The following LYPD2 variants were observed in gnomAD, a reference collection of about 807,000 sequenced individuals.
LYPD2 encodes ly6/PLAUR domain-containing protein 2.
LYPD2 carries 5 observed loss-of-function variants against 7.1 expected under a neutral mutation model. The observed-to-expected ratio is 0.70, with a 90% CI of 0.37 to 1.48. The LOEUF (loss-of-function observed/expected upper bound fraction) is 1.48. Ranked by LOEUF, LYPD2 falls within the 40% of genes most tolerant of loss-of-function variation. The pLI is 0.03. For missense variants in LYPD2, 177 were observed against 171.0 expected (o/e 1.04, Z -0.20); for synonymous variants, 78 against 82.0 (o/e 0.95, Z 0.26).
rs1488946926 is a variant in LYPD2 at position 142,752,530 on chromosome 8, A to G, written c.-79T>C. 1.9e-6 allele frequency: 3 copies of G among 1,550,534 alleles called. No individual in the cohort carries two copies. The highest frequency in any genetic ancestry group is 1.8e-6 in the Non-Finnish European group (2 of 1,132,616). On this transcript the variant is annotated 5_prime_UTR_variant, in exon 1 of 3. Transcript: ENST00000359228. Reference sequence around the variant, plus strand: ...CAGACACCAAGTGAGGTGGCGACAGACTGGTCTGCTGAGCGGATTAGTGGG... The same window carrying G: ...CAGACACCAAGTGAGGTGGCGACAGGCTGGTCTGCTGAGCGGATTAGTGGG...
At chr8:142,750,619 C>G in intron 2 of LYPD2, 137 bp from the exon 3 acceptor site, 1 of 812,834 alleles carries the variant, frequency 1.2e-6, no homozygotes, top group African/African-American at 1.7e-5. Flanking sequence ...CAGTGCCCTC[C>G]TCTTCCTCTC....
At position 142,752,443 on chromosome 8, in the gene LYPD2, C is replaced by A. The variant is rs1214560061; in HGVS notation, c.9G>T (p.Gly3=). 6.2e-7 allele frequency: 1 copy of A among 1,613,374 alleles called. No individual in the cohort carries two copies. Among genetic ancestry groups the A allele is most frequent in the African/African-American group, 1.3e-5 (1 of 75,050 alleles). ...CCAGCGCCAGGAGCGCCAGCCGCGT[C>A]CCCCGCATGGTCCCGGCCCACTCCT... MR[G]TRLALLALVL... The change falls in exon 1 of 3, where the codon GGG becomes GGT. Residue 3 remains glycine, a synonymous_variant. Transcript: ENST00000359228.
At chr8:142,750,540 C>T in intron 2 of LYPD2, 58 bp from the exon 3 acceptor site, 1 of 1,505,218 alleles carries the variant, frequency 6.6e-7, no homozygotes, top group East Asian at 2.5e-5. Flanking sequence ...AAGCCCTGGT[C>T]CCTGCCAGTA....
Position 142,752,432 on chromosome 8 carries a change from G to T in LYPD2, c.20C>A (p.Ala7Glu), listed in dbSNP as rs11775636. The change falls in exon 1 of 3, where the codon GCG becomes GAG. Residue 7 changes from alanine (A) to glutamate (E), a missense_variant. Transcript: ENST00000359228. ...GGCAGCCAGCACCAGCGCCAGGAGC[G>T]CCAGCCGCGTCCCCCGCATGGTCCC... is the stretch of plus-strand genomic sequence containing the variant. The part of the protein sequence containing the change: MRGTRL[A>E]LLALVLAACG... 2 of 1,613,034 alleles carry T rather than the reference G, an allele frequency of 1.2e-6. No homozygotes were observed. Among genetic ancestry groups the T allele is most frequent in the Non-Finnish European group, 1.7e-6 (2 of 1,179,730 alleles).
intron 1 of LYPD2, 54 bp downstream of exon 1, chr8:142,752,340 T>A: frequency 6.2e-7 from 1 of 1,604,722 alleles, no homozygotes; most frequent in Non-Finnish European, 8.5e-7. Context: ...AGTGTGAATG[T>A]CAGTGGGTGG....
chr8:142,750,843 A>G (rs977033872), intron 2 of LYPD2, among the ~76,000 whole-genome samples: 24 of 152,244 alleles, frequency 1.6e-4, no homozygotes, highest in African/African-American at 5.3e-4. Flanking sequence ...GCTCGGGCAG[A>G]AAGCCATTTC....
rs1785573617 is a variant in LYPD2 at position 142,750,168 on chromosome 8, A to T, written c.*115T>A. The T allele has an allele frequency of 2.4e-6, 2 of 850,380 alleles. No homozygotes were observed. The highest frequency in any genetic ancestry group is 3.7e-6 in the Non-Finnish European group (2 of 540,486). 52.7% of individuals were successfully genotyped at this position (850,380 alleles called of 1,614,324 possible). A position where few individuals can be genotyped will look rare whatever the true frequency, so the allele number is the denominator to read the frequency against. ...AACGGGGACATCGACGAGGTCAGAG[A>T]TGCAGCAGGGCAGGTCTGTGCCCAG... is the stretch of plus-strand genomic sequence containing the variant. On this transcript the variant is annotated 3_prime_UTR_variant, in exon 3 of 3. Transcript: ENST00000359228.
intron 2 of LYPD2, 82 bp downstream of exon 2, chr8:142,750,969 A>G (rs1467855455): frequency 6.3e-6 from 10 of 1,592,436 alleles, no homozygotes; most frequent in East Asian, 4.5e-5. Context: ...TCACTGCCCT[A>G]TCTCCTGGGA....
In LYPD2 at chr8:142,750,252, C is replaced by A; in HGVS notation, c.*31G>T. The stretch of plus-strand genomic sequence containing the variant: ...CTTCTTCAAGGCATTCGGGGCTGGG[C>A]CGCATAGGGCCATGGGGGTGGGCGG... On this transcript the variant is annotated 3_prime_UTR_variant, in exon 3 of 3. Coordinates refer to ENST00000359228, the MANE Select transcript of LYPD2 (RefSeq NM_205545.3). The A allele has an allele frequency of 6.5e-7, 1 of 1,541,714 alleles. No homozygotes were observed. The highest frequency in any genetic ancestry group is 1.4e-5 in the African/African-American group (1 of 73,000).
rs964462832 is a variant in LYPD2, at chr8:142,750,286, C to G, written c.375G>C (p.Leu125=). The G allele has an allele frequency of 2.6e-6, 4 of 1,551,150 alleles. No individual in the cohort carries two copies. The highest frequency in any genetic ancestry group is 2.7e-5 in the African/African-American group (2 of 73,114). ...LTLLPLLSLR[L] ...GCCATGGGGGTGGGCGGGGACTCTA[C>G]AGTCGGAGGCTCAAGAGTGGGAGGA... Residue 125 remains leucine, a synonymous_variant, in exon 3 of 3, where the codon CTG becomes CTC. Transcript: ENST00000359228.
chr8:142,750,624 C>G (rs1790125907), intron 2 of LYPD2, 142 bp from the exon 3 acceptor site: 1 of 798,926 alleles, frequency 1.3e-6, no homozygotes, highest in Non-Finnish European at 2.0e-6. Flanking sequence ...CCCTCCTCTT[C>G]CTCTCTCCTC....
chr8:142,751,684 G>A (rs781727397), intron 1 of LYPD2, among the ~76,000 whole-genome samples: 3 of 152,132 alleles, frequency 2.0e-5, no homozygotes, highest in Non-Finnish European at 4.4e-5. Flanking sequence ...CTTGCAGACC[G>A]GCAGGGACGG....
Position 142,750,405 on chromosome 8 carries a change from C to A in LYPD2, c.256G>T (p.Gly86Cys). ...CAGCAGGACACGGGCAGGGTCTGGC[C>A]GATGCCATCCACATCCGAGGGCTTA... Reference protein sequence around the residue: ...KCKPSDVDGIGQTLPVSCCNT... With the variant: ...KCKPSDVDGICQTLPVSCCNT... The change falls in exon 3 of 3, where the codon GGC (glycine) becomes TGC (cysteine). Residue 86 changes from glycine (G) to cysteine (C), a missense_variant. Transcript: ENST00000359228. 6.3e-7 allele frequency: 1 copy of A among 1,583,146 alleles called. No individual in the cohort carries two copies. Among genetic ancestry groups the A allele is most frequent in the Non-Finnish European group, 8.6e-7 (1 of 1,164,674 alleles).
chr8:142,751,535 G>A (rs1814714914), intron 1 of LYPD2, among the ~76,000 whole-genome samples: 1 of 152,196 alleles, frequency 6.6e-6, no homozygotes, highest in African/African-American at 2.4e-5. Context: ...GTGGCTGGGG[G>A]CAGGTTACCC....
chr8:142,751,683 C>T (rs767630012), intron 1 of LYPD2, among the ~76,000 whole-genome samples: 1 of 151,902 alleles, frequency 6.6e-6, no homozygotes, highest in Admixed American at 6.5e-5. Context: ...ACTTGCAGAC[C>T]GGCAGGGACG....
chr8:142,752,347 G>C, intron 1 of LYPD2, 47 bp downstream of exon 1: 1 of 1,608,450 alleles, frequency 6.2e-7, no homozygotes, highest in South Asian at 1.1e-5. Flanking sequence ...ATGTCAGTGG[G>C]TGGCATCTCC....
In LYPD2 at chr8:142,750,230, C is replaced by A; in HGVS notation, c.*53G>T. On this transcript the variant is annotated 3_prime_UTR_variant, in exon 3 of 3. Coordinates refer to ENST00000359228, the MANE Select transcript of LYPD2 (RefSeq NM_205545.3). ...AGGAGTCCTGGTGCAGGGGGCACTT[C>A]TTCAAGGCATTCGGGGCTGGGCCGC... The A allele has an allele frequency of 6.7e-7, 1 of 1,497,656 alleles. No homozygotes were observed. The highest frequency in any genetic ancestry group is 9.0e-7 in the Non-Finnish European group (1 of 1,106,416). 92.8% of individuals were successfully genotyped at this position (1,497,656 alleles called of 1,614,324 possible). A position where few individuals can be genotyped will look rare whatever the true frequency, so the allele number is the denominator to read the frequency against.
In LYPD2 at chr8:142,752,440, C is replaced by T. The variant is rs763142882; in HGVS notation, c.12G>A (p.Thr4=). The change falls in exon 1 of 3, where the codon ACG becomes ACA. Residue 4 remains threonine, a synonymous_variant. Transcript: ENST00000359228. ...GCACCAGCGCCAGGAGCGCCAGCCG[C>T]GTCCCCCGCATGGTCCCGGCCCACT... MRG[T]RLALLALVLA... 1.4e-5 allele frequency: 23 copies of T among 1,613,350 alleles called. No homozygotes were observed. The highest frequency in any genetic ancestry group is 1.2e-4 in the South Asian group (11 of 91,064).
chr8:142,750,155 G>A lies in LYPD2; in HGVS notation c.*128C>T, dbSNP rs1274812153. The stretch of plus-strand genomic sequence containing the variant: ...ACAGACACACAGGAACGGGGACATC[G>A]ACGAGGTCAGAGATGCAGCAGGGCA... On this transcript the variant is annotated 3_prime_UTR_variant, in exon 3 of 3. Transcript: ENST00000359228. 16 of 756,468 alleles carry A rather than the reference G, an allele frequency of 2.1e-5. No individual in the cohort carries two copies. The highest frequency in any genetic ancestry group is 6.9e-5 in the South Asian group (4 of 57,798). The allele number at this position is 756,468 out of a possible 1,614,324, so 46.9% of individuals were successfully genotyped here.
Sources: allele counts gnomAD v4.1 joint callset (sites outside exome capture counted in the v4.1 genomes callset), GRCh38; gene constraint gnomAD v4.1.1; transcripts MANE v1.5; gene names NCBI Gene and HGNC (gene_info 2026-07-23, HGNC 2026-07-21).